VEPH1: variants seen among roughly 807,000 people sequenced by gnomAD.
VEPH1 encodes ventricular zone-expressed PH domain-containing protein homolog 1.
In VEPH1, 80 loss-of-function variants were observed where a neutral mutation model predicts 85.2. That is an observed-to-expected ratio of 0.94 (90% CI 0.78 to 1.13). VEPH1 has a LOEUF of 1.13. Among genes scored for constraint, VEPH1 ranks in the 50% most tolerant of loss-of-function variants. The pLI, the probability that VEPH1 is intolerant of heterozygous loss-of-function variation, is 0.00. For missense variants in VEPH1, 955 were observed against 980.5 expected (o/e 0.97, Z 0.35); for synonymous variants, 297 against 348.0 (o/e 0.85, Z 1.63).
chr3:157,298,226 G>A (rs1718365144), intron 11 of VEPH1, among the ~76,000 whole-genome samples: 1 of 152,186 alleles, frequency 6.6e-6, no homozygotes, highest in Non-Finnish European at 1.5e-5. Context: ...GAGGGAGGTG[G>A]ATTCTTTCCT....
At chr3:157,331,821 G>A (rs1364159961) in intron 9 of VEPH1, among the ~76,000 whole-genome samples, 1 of 152,174 alleles carries the variant, frequency 6.6e-6, no homozygotes, top group Non-Finnish European at 1.5e-5. Context: ...AGAGCTGAGA[G>A]CACACTTCCA....
At chr3:157,431,188 G>T (rs1733119965) in intron 4 of VEPH1, among the ~76,000 whole-genome samples, 1 of 152,156 alleles carries the variant, frequency 6.6e-6, no homozygotes, top group Admixed American at 6.5e-5. Flanking sequence ...CACTCCTGCT[G>T]CCATGTAAGA....
intron 7 of VEPH1, among the ~76,000 whole-genome samples, chr3:157,369,958 G>T (rs563832312): frequency 6.6e-6 from 1 of 152,098 alleles, no homozygotes; most frequent in African/African-American, 2.4e-5. Context: ...CACTTAGGGG[G>T]TTGTTATTTC....
At chr3:157,412,243 A>C (rs1301624424) in intron 6 of VEPH1, among the ~76,000 whole-genome samples, 1 of 152,172 alleles carries the variant, frequency 6.6e-6, no homozygotes, top group Non-Finnish European at 1.5e-5. Flanking sequence ...GTATTTCCTT[A>C]TAACAGTGCA....
Position 157,415,039 on chromosome 3 carries a change from C to T in VEPH1, c.697-949G>A, listed in dbSNP as rs557143900. On this transcript the variant is annotated intron_variant, in intron 5 of 13. Coordinates refer to ENST00000362010, the MANE Select transcript of VEPH1 (RefSeq NM_001167912.2). ...CCTGCCAAAAACCTGCTTCTCCCAC[C>T]ACCCCTTCTGGCCCTAAGTGCCTCC... 4 of 152,322 alleles carry T rather than the reference C, an allele frequency of 2.6e-5. No homozygotes were observed. In the East Asian group the frequency reaches 7.7e-4, roughly 29 times the overall value. 9.4% of individuals were successfully genotyped at this position (152,322 alleles called of 1,614,324 possible). A position where few individuals can be genotyped will look rare whatever the true frequency, so the allele number is the denominator to read the frequency against.
At chr3:157,462,102 T>A (rs555584065) in intron 3 of VEPH1, among the ~76,000 whole-genome samples, 145 of 148,352 alleles carry the variant, frequency 9.8e-4, no homozygotes, top group African/African-American at 3.5e-3. Context: ...ATAATATATA[T>A]ACACACTCTT....
chr3:157,463,785 T>C (rs1281543308), intron 3 of VEPH1, among the ~76,000 whole-genome samples: 2 of 152,150 alleles, frequency 1.3e-5, no homozygotes, highest in Non-Finnish European at 2.9e-5. Context: ...AGGGTATCCC[T>C]TTCACATTTT....
rs770254627 is a variant in VEPH1 at position 157,495,363 on chromosome 3, T to C, written c.-14A>G. On this transcript the variant is annotated 5_prime_UTR_variant, in exon 2 of 14. Coordinates refer to ENST00000362010, the MANE Select transcript of VEPH1 (RefSeq NM_001167912.2). ...CAGTTGATGCATGGTGAGGATGAGT[T>C]TGATCAGTTGACTTTCTACAGACCC... 3 of 1,613,076 alleles carry C rather than the reference T, an allele frequency of 1.9e-6. No individual in the cohort carries two copies. The highest frequency in any genetic ancestry group is 2.5e-6 in the Non-Finnish European group (3 of 1,179,536).
intron 7 of VEPH1, among the ~76,000 whole-genome samples, chr3:157,377,283 C>T (rs1205501022): frequency 1.3e-5 from 2 of 150,064 alleles, no homozygotes; most frequent in Admixed American, 6.6e-5. Context: ...TTTGCCCTTT[C>T]TTTGTTTCCT....
chr3:157,427,786 TG>T (rs986352214), intron 5 of VEPH1, among the ~76,000 whole-genome samples: 9 of 152,214 alleles, frequency 5.9e-5, no homozygotes, highest in African/African-American at 2.2e-4. Context: ...TCAACTTGAC[TG>T]GGTCATGGGG....
chr3:157,469,571 A>G (rs1003589360), intron 3 of VEPH1, among the ~76,000 whole-genome samples: 3 of 152,352 alleles, frequency 2.0e-5, no homozygotes, highest in African/African-American at 7.2e-5. Flanking sequence ...TTAGTATGCC[A>G]TGAAACATTG....
intron 12 of VEPH1, among the ~76,000 whole-genome samples, chr3:157,270,555 A>C (rs1350988240): frequency 6.6e-6 from 1 of 152,140 alleles, no homozygotes; most frequent in East Asian, 1.9e-4. Flanking sequence ...AAAAAAATGA[A>C]TTTTGAAGGG....
At chr3:157,440,541 C>A (rs1021260204) in intron 4 of VEPH1, among the ~76,000 whole-genome samples, 6 of 152,006 alleles carry the variant, frequency 3.9e-5, no homozygotes, top group South Asian at 2.1e-4. Flanking sequence ...GGTTGTTATA[C>A]CTGCCCTAAT....
chr3:157,335,978 G>T (rs1383580277), intron 9 of VEPH1, among the ~76,000 whole-genome samples: 1 of 152,090 alleles, frequency 6.6e-6, no homozygotes, highest in African/African-American at 2.4e-5. Context: ...TTCCTGGACC[G>T]AGACCCTGAC....
intron 11 of VEPH1, among the ~76,000 whole-genome samples, chr3:157,289,936 A>G (rs947687528): frequency 1.4e-4 from 21 of 152,156 alleles, no homozygotes; most frequent in Middle Eastern, 3.4e-3. Flanking sequence ...ATCTGTTTGT[A>G]TACTCCCATT....
intron 2 of VEPH1, among the ~76,000 whole-genome samples, chr3:157,472,150 T>C (rs1737023149): frequency 6.6e-6 from 1 of 152,204 alleles, no homozygotes; most frequent in Admixed American, 6.5e-5. Context: ...TCTGTGTGAT[T>C]CCTGTAACAG....
At chr3:157,364,634 G>T in intron 7 of VEPH1, 122 bp from the exon 8 acceptor site, 1 of 920,264 alleles carries the variant, frequency 1.1e-6, no homozygotes. Context: ...TTTTTTCATT[G>T]GTCATTTAAC....
intron 9 of VEPH1, among the ~76,000 whole-genome samples, chr3:157,336,145 A>G (rs1050420426): frequency 1.3e-5 from 2 of 152,232 alleles, no homozygotes; most frequent in African/African-American, 2.4e-5. Context: ...CTAGAGGGAA[A>G]GGGTTTCAGA....
At position 157,282,281 on chromosome 3, in the gene VEPH1, C is replaced by T. The variant is rs931363680; in HGVS notation, c.2128+4276G>A. Among the ~76,000 whole-genome samples, 5 of 152,186 alleles carry T rather than the reference C, an allele frequency of 3.3e-5. No individual in the cohort carries two copies. The East Asian group carries it at 7.7e-4, about 24-fold the overall frequency. On this transcript the variant is annotated intron_variant, in intron 12 of 13. Transcript: ENST00000362010. Reference sequence around the variant, plus strand: ...TATTCATAGGCATGATCATGGTACACCACAGCTTCAAACTCCTGGCCTTAA... The same window carrying T: ...TATTCATAGGCATGATCATGGTACATCACAGCTTCAAACTCCTGGCCTTAA...
Sources: gnomAD v4.1 joint callset for allele counts (sites outside exome capture counted in the v4.1 genomes callset) on GRCh38, gnomAD v4.1.1 for gene constraint, MANE v1.5 for transcripts, NCBI Gene and HGNC (gene_info 2026-07-23, HGNC 2026-07-21) for gene names.